IGF2BP2: variants seen among roughly 807,000 people sequenced by gnomAD.
IGF2BP2 encodes insulin-like growth factor 2 mRNA-binding protein 2.
IGF2BP2 carries 17 observed loss-of-function variants against 75.8 expected under a neutral mutation model. That is an observed-to-expected ratio of 0.22 (90% confidence interval 0.15 to 0.34). The LOEUF is 0.34. Ranked by LOEUF, IGF2BP2 falls within the 10% of genes least tolerant of loss-of-function variation. The pLI is 1.00. For synonymous variants in IGF2BP2, 288 were observed against 295.6 expected (o/e 0.97, Z 0.26); for missense variants, 516 against 772.4 (o/e 0.67, Z 3.93).
Position 185,696,603 on chromosome 3 carries a change from A to G in IGF2BP2, c.340+9T>C. On this transcript the variant is annotated intron_variant, in intron 4 of 15. Coordinates refer to ENST00000382199, the MANE Select transcript of IGF2BP2 (RefSeq NM_006548.6). ...TCTCCAAAACCCAAAAGGCTTCCTC[A>G]CTTATTACCTTGTTCCACATTCTCC... 1.2e-6 allele frequency: 2 copies of G among 1,612,900 alleles called. No individual in the cohort carries two copies.
rs903857429 is a variant in IGF2BP2, at chr3:185,802,178, G to GA, written c.239+20974dup. On this transcript the variant is annotated intron_variant, in intron 2 of 15. Transcript: ENST00000382199. Reference sequence around the variant, plus strand: ...ACATGTATCCCAGAACTTAAAATTAGAAAAAAAAAAGAAATCTGGAAGGTA... The same window carrying GA: ...ACATGTATCCCAGAACTTAAAATTAGAAAAAAAAAAAGAAATCTGGAAGGTA... Among the ~76,000 whole-genome samples, 126 of 147,544 alleles carry GA rather than the reference G, an allele frequency of 8.5e-4. 1 individual carries two copies. Among genetic ancestry groups the GA allele is most frequent in the Non-Finnish European group, 1.3e-3 (85 of 66,630 alleles).
intron 2 of IGF2BP2, among the ~76,000 whole-genome samples, chr3:185,808,006 G>A (rs1483571967): frequency 6.6e-6 from 1 of 152,046 alleles, no homozygotes; most frequent in African/African-American, 2.4e-5. Flanking sequence ...TTAGCTGGGT[G>A]TAGTGGTGCA....
At chr3:185,761,799 A>G (rs1269026719) in intron 2 of IGF2BP2, among the ~76,000 whole-genome samples, 3 of 152,246 alleles carry the variant, frequency 2.0e-5, no homozygotes, top group African/African-American at 7.2e-5. Context: ...TAGGATTTAA[A>G]CACCACTGCA....
intron 2 of IGF2BP2, 43 bp downstream of exon 2, chr3:185,823,109 CG>C (rs1741574211): frequency 7.4e-7 from 1 of 1,354,842 alleles, no homozygotes; most frequent in Non-Finnish European, 1.0e-6. Context: ...TTTACTTATA[CG>C]TAAGGCCAAT....
intron 7 of IGF2BP2, among the ~76,000 whole-genome samples, chr3:185,682,773 T>C (rs1345844596): frequency 6.6e-6 from 1 of 152,112 alleles, no homozygotes; most frequent in Non-Finnish European, 1.5e-5. Context: ...ATAGCTGTTA[T>C]CGAAATAACA....
intron 2 of IGF2BP2, among the ~76,000 whole-genome samples, chr3:185,761,339 G>A (rs1165942524): frequency 6.6e-6 from 1 of 152,202 alleles, no homozygotes; most frequent in Non-Finnish European, 1.5e-5. Context: ...TAACAGACTT[G>A]ATGGTCAGGG....
intron 2 of IGF2BP2, among the ~76,000 whole-genome samples, chr3:185,759,312 G>A (rs1007207799): frequency 6.6e-6 from 1 of 152,200 alleles, no homozygotes; most frequent in African/African-American, 2.4e-5. Flanking sequence ...ATGTACTACT[G>A]TCTGCTCTAC....
At chr3:185,751,677 T>C (rs758850977) in intron 2 of IGF2BP2, among the ~76,000 whole-genome samples, 2 of 150,702 alleles carry the variant, frequency 1.3e-5, no homozygotes, top group Non-Finnish European at 3.0e-5. Flanking sequence ...CATAATCTGA[T>C]GAAGAGGACA....
At chr3:185,785,363 A>G (rs1183637982) in intron 2 of IGF2BP2, among the ~76,000 whole-genome samples, 1 of 151,306 alleles carries the variant, frequency 6.6e-6, no homozygotes, top group Non-Finnish European at 1.5e-5. Context: ...CGGGGTAGAG[A>G]CCGTTATGCC....
At position 185,644,795 on chromosome 3, in the gene IGF2BP2, C is replaced by CA. The variant is rs1444611807; in HGVS notation, c.*735dup. ...TGAGCTAGACAGGCATGAGGAGTGA[C>CA]AGAGTTTCCTCTTCAAGGAGACGGT... is the stretch of plus-strand genomic sequence containing the variant. On this transcript the variant is annotated 3_prime_UTR_variant, in exon 16 of 16. Transcript: ENST00000382199. 5 of 152,600 alleles carry CA rather than the reference C, an allele frequency of 3.3e-5. No individual in the cohort carries two copies. Among genetic ancestry groups the CA allele is most frequent in the African/African-American group, 1.2e-4 (5 of 41,412 alleles). 9.5% of individuals were successfully genotyped at this position (152,600 alleles called of 1,614,324 possible).
In IGF2BP2 at chr3:185,679,754, T is replaced by G. The variant is rs148541613; in HGVS notation, c.813-3841A>C. On this transcript the variant is annotated intron_variant, in intron 7 of 15. Coordinates refer to ENST00000382199, the MANE Select transcript of IGF2BP2 (RefSeq NM_006548.6). ...GCCTCAGCCTCCTGAGTAGCTGGGA[T>G]TACAGGTGTGTGCCACCACACCCGG... is the stretch of plus-strand genomic sequence containing the variant. Among the ~76,000 whole-genome samples the G allele has an allele frequency of 4.4e-3, 665 of 152,220 alleles. 2 individuals carry two copies. The highest frequency in any genetic ancestry group is 0.015 in the African/African-American group (613 of 41,538).
chr3:185,659,353 T>A (rs1164139128), intron 10 of IGF2BP2, among the ~76,000 whole-genome samples: 1 of 152,044 alleles, frequency 6.6e-6, no homozygotes, highest in Admixed American at 6.6e-5. Context: ...AAAATAGAAA[T>A]TTAGAAAGTA....
At chr3:185,727,459 A>C (rs1286439443) in intron 2 of IGF2BP2, among the ~76,000 whole-genome samples, 1 of 152,132 alleles carries the variant, frequency 6.6e-6, no homozygotes, top group Non-Finnish European at 1.5e-5. Flanking sequence ...CAGAACAGTA[A>C]TTGGATTACT....
intron 15 of IGF2BP2, chr3:185,646,761 C>T: frequency 2.1e-6 from 1 of 474,680 alleles, no homozygotes; most frequent in East Asian, 4.0e-5. Context: ...GGCTTGGAAC[C>T]ACATGGCTTT....
At chr3:185,680,136 G>A (rs998687757) in intron 7 of IGF2BP2, among the ~76,000 whole-genome samples, 5 of 152,012 alleles carry the variant, frequency 3.3e-5, no homozygotes, top group African/African-American at 1.2e-4. Flanking sequence ...CTACCAATAC[G>A]ACAGAGATAA....
At chr3:185,648,089 C>A (rs565905387) in intron 14 of IGF2BP2, among the ~76,000 whole-genome samples, 1 of 152,218 alleles carries the variant, frequency 6.6e-6, no homozygotes, top group South Asian at 2.1e-4. Flanking sequence ...CACACCGCTT[C>A]GTTCTTTCGT....
At chr3:185,665,283 GAAGA>G (rs1717181333) in intron 10 of IGF2BP2, among the ~76,000 whole-genome samples, 1 of 138,116 alleles carries the variant, frequency 7.2e-6, no homozygotes, top group Non-Finnish European at 1.6e-5. Flanking sequence ...AGAAGGAGAA[GAAGA>G]AGAAGGAGGA....
At chr3:185,794,526 T>C (rs1428597484) in intron 2 of IGF2BP2, among the ~76,000 whole-genome samples, 1 of 152,118 alleles carries the variant, frequency 6.6e-6, no homozygotes, top group Non-Finnish European at 1.5e-5. Context: ...CCAGTATTCC[T>C]TACCCTAGAC....
rs534768952 is a variant in IGF2BP2 at position 185,784,263 on chromosome 3, T to TAGAC, written c.239+38889_239+38890insGTCT. On this transcript the variant is annotated intron_variant, in intron 2 of 15. Transcript: ENST00000382199. ...ATAAATAAACAAGTAGATAGATAGA[T>TAGAC]AGATAGACAGACAGACAGACAGACA... is the stretch of plus-strand genomic sequence containing the variant. Among the ~76,000 whole-genome samples the TAGAC allele has an allele frequency of 8.4e-4, 78 of 93,378 alleles. No individual in the cohort carries two copies. In the South Asian group the frequency reaches 0.011, roughly 13 times the overall value. The allele number at this position is 93,378 out of a possible 152,430, so 61.3% of individuals were successfully genotyped here.
Sources: allele counts gnomAD v4.1 joint callset (sites outside exome capture counted in the v4.1 genomes callset), GRCh38; gene constraint gnomAD v4.1.1; transcripts MANE v1.5; gene names NCBI Gene and HGNC (gene_info 2026-07-23, HGNC 2026-07-21).